The following SNX29 variants were observed in gnomAD, a reference collection of about 807,000 sequenced individuals.
The protein encoded by SNX29 is sorting nexin 29, also known as sorting nexin-29.
Under a neutral mutation model 102.1 loss-of-function variants are expected in SNX29, and 78 were observed. The observed-to-expected ratio is 0.76, with a 90% CI of 0.64 to 0.92. The LOEUF (loss-of-function observed/expected upper bound fraction) is 0.92. SNX29 is among the 40% of genes least tolerant of loss of function. The pLI, the probability that SNX29 is intolerant of heterozygous loss-of-function variation, is 0.00. For missense variants in SNX29, 1,280 were observed against 1,061.7 expected (o/e 1.21, Z -2.86); for synonymous variants, 580 against 414.5 (o/e 1.40, Z -4.85).
At chr16:12,566,711 T>G (rs1049808185) in intron 20 of SNX29, among the ~76,000 whole-genome samples, 1 of 152,174 alleles carries the variant, frequency 6.6e-6, no homozygotes, top group East Asian at 1.9e-4. Context: ...TCCCCCATCC[T>G]TTGAAGAGAG....
chr16:12,265,630 G>A (rs1015035152), intron 14 of SNX29, among the ~76,000 whole-genome samples: 8 of 147,216 alleles, frequency 5.4e-5, no homozygotes, highest in Non-Finnish European at 8.9e-5. Flanking sequence ...GGAGGCTGAG[G>A]TGGGTGGATC....
At chr16:12,355,860 A>C (rs1282910639) in intron 15 of SNX29, among the ~76,000 whole-genome samples, 2 of 150,230 alleles carry the variant, frequency 1.3e-5, no homozygotes, top group Non-Finnish European at 3.0e-5. Context: ...AAAAAAAAAA[A>C]AAAAAAAAAA....
intron 18 of SNX29, among the ~76,000 whole-genome samples, chr16:12,419,070 T>C (rs2084767386): frequency 2.6e-5 from 4 of 152,154 alleles, no homozygotes; most frequent in African/African-American, 9.6e-5. Flanking sequence ...CAACAGAGAA[T>C]ATCCTATCCC....
At position 12,051,985 on chromosome 16, in the gene SNX29, C is replaced by G. The variant is rs375429695; in HGVS notation, c.887C>G (p.Ser296Cys). Residue 296 changes from serine (S) to cysteine (C), a missense_variant, in exon 8 of 21, where the codon TCC becomes TGC. Physicochemically the swap from Ser to Cys is moderately radical, Grantham distance 112 (BLOSUM62 -1). Coordinates refer to ENST00000566228, the MANE Select transcript of SNX29 (RefSeq NM_032167.5). ...PGAGESSEDN[S>C]DRSSVNIMSA... ...GCAGGGGAGAGCTCAGAGGACAACT[C>G]CGACCGCTCCTCTGTCAATATCATG... 1.2e-6 allele frequency: 2 copies of G among 1,613,844 alleles called. No individual in the cohort carries two copies. Among genetic ancestry groups the G allele is most frequent in the Non-Finnish European group, 1.7e-6 (2 of 1,179,868 alleles).
intron 18 of SNX29, among the ~76,000 whole-genome samples, chr16:12,448,619 T>C (rs2086168083): frequency 6.6e-6 from 1 of 152,164 alleles, no homozygotes; most frequent in South Asian, 2.1e-4. Flanking sequence ...ATGACTTCTT[T>C]TTTTTCCAGA....
chr16:11,993,890 G>A (rs1428845136), intron 1 of SNX29, among the ~76,000 whole-genome samples: 1 of 152,218 alleles, frequency 6.6e-6, no homozygotes, highest in African/African-American at 2.4e-5. Context: ...GAAGGCCAAG[G>A]CAGGCAGATC....
In SNX29 at chr16:12,563,891, G is replaced by A. The variant is rs1472179422; in HGVS notation, c.2319-4615G>A. The stretch of plus-strand genomic sequence containing the variant: ...CCCATCTCTAGCCCCTTGGGCCTCT[G>A]CCGTCTCTGGAGCAGGCAGCCGAAG... On this transcript the variant is annotated intron_variant, in intron 20 of 20. Coordinates refer to ENST00000566228, the MANE Select transcript of SNX29 (RefSeq NM_032167.5). Among the ~76,000 whole-genome samples, 3 of 152,210 alleles carry A rather than the reference G, an allele frequency of 2.0e-5. No homozygotes were observed. In the East Asian group the frequency reaches 5.8e-4, roughly 29 times the overall value.
intron 18 of SNX29, among the ~76,000 whole-genome samples, chr16:12,476,351 CAAAAAAAAAAAA>C (rs150729550): frequency 8.9e-4 from 8 of 9,014 alleles, no homozygotes; most frequent in East Asian, 3.6e-3. Flanking sequence ...CGACATTTCT[CAAAAAAAAAAAA>C]AAAAAAAAAA....
At chr16:12,011,717 T>G (rs1246492576) in intron 3 of SNX29, among the ~76,000 whole-genome samples, 2 of 152,168 alleles carry the variant, frequency 1.3e-5, no homozygotes, top group African/African-American at 2.4e-5. Context: ...AGAGAGGTGG[T>G]GAGCATGGGG....
At chr16:12,520,617 T>C (rs1430419973) in intron 19 of SNX29, among the ~76,000 whole-genome samples, 1 of 152,054 alleles carries the variant, frequency 6.6e-6, no homozygotes, top group Non-Finnish European at 1.5e-5. Flanking sequence ...CTATCAGCCA[T>C]AAAAAAGGAA....
intron 18 of SNX29, among the ~76,000 whole-genome samples, chr16:12,431,434 C>CTTCTTTTTTTTTTTTTTTTTTT (rs779738786): frequency 5.1e-5 from 7 of 136,952 alleles, no homozygotes; most frequent in African/African-American, 1.4e-4. Context: ...TCTTCTTCTT[C>CTTCTTTTTTTTTTTTTTTTTTT]TTTTTTTTTT....
intron 20 of SNX29, among the ~76,000 whole-genome samples, chr16:12,556,070 A>G (rs1598005366): frequency 6.9e-6 from 1 of 145,934 alleles, no homozygotes; most frequent in Non-Finnish European, 1.5e-5. Flanking sequence ...TTTCTTATTA[A>G]TCTTATAGAA....
intron 18 of SNX29, among the ~76,000 whole-genome samples, chr16:12,435,078 C>T (rs1482376086): frequency 1.3e-5 from 2 of 152,024 alleles, no homozygotes; most frequent in South Asian, 2.1e-4. Flanking sequence ...ATCCCCAGGC[C>T]CAGGAGAGGG....
At chr16:12,140,191 A>T (rs1215283504) in intron 13 of SNX29, among the ~76,000 whole-genome samples, 1 of 152,032 alleles carries the variant, frequency 6.6e-6, no homozygotes, top group Non-Finnish European at 1.5e-5. Context: ...ATGACTTTCC[A>T]TGTCTCCTCT....
chr16:12,273,153 G>T (rs970805680), intron 14 of SNX29, among the ~76,000 whole-genome samples: 1 of 151,906 alleles, frequency 6.6e-6, no homozygotes, highest in African/African-American at 2.4e-5. Context: ...ACTGTAGGCC[G>T]CCTCCCGCTT....
intron 4 of SNX29, among the ~76,000 whole-genome samples, 160 bp from the exon 5 acceptor site, chr16:12,042,737 T>C (rs1403168208): frequency 2.0e-5 from 3 of 152,248 alleles, no homozygotes; most frequent in Non-Finnish European, 4.4e-5. Context: ...TTGATGGGTA[T>C]CTGGGTTGAT....
intron 14 of SNX29, among the ~76,000 whole-genome samples, chr16:12,268,096 C>T (rs2078984270): frequency 2.0e-5 from 3 of 152,226 alleles, no homozygotes; most frequent in Admixed American, 1.3e-4. Context: ...GCTCAGACAG[C>T]TCCTCACTAG....
intron 18 of SNX29, among the ~76,000 whole-genome samples, chr16:12,462,286 C>T (rs958810047): frequency 2.0e-5 from 3 of 151,774 alleles, no homozygotes; most frequent in South Asian, 4.2e-4. Context: ...AGGATAGAGA[C>T]GTGCCTTTCA....
At chr16:12,246,862 G>A (rs1403166364) in intron 14 of SNX29, among the ~76,000 whole-genome samples, 3 of 152,152 alleles carry the variant, frequency 2.0e-5, no homozygotes, top group African/African-American at 7.2e-5. Context: ...TGGAAGACAT[G>A]TTGGAACTCA....
Sources: gnomAD v4.1 joint callset for allele counts (sites outside exome capture counted in the v4.1 genomes callset) on GRCh38, gnomAD v4.1.1 for gene constraint, MANE v1.5 for transcripts, NCBI Gene and HGNC (gene_info 2026-07-23, HGNC 2026-07-21) for gene names.